Variants in KIF15 observed in about 807,000 individuals in gnomAD.
The protein encoded by KIF15 is kinesin-like protein KIF15.
In KIF15, 140 loss-of-function variants were observed where a neutral mutation model predicts 190.6. The ratio of observed to expected loss-of-function variants is 0.73; its 90% CI spans 0.64 to 0.84. The LOEUF is 0.84. Among genes scored for constraint, KIF15 ranks in the 40% least tolerant of loss-of-function variants. The pLI, the probability that KIF15 is intolerant of heterozygous loss-of-function variation, is 0.00. For synonymous variants in KIF15, 528 were observed against 551.3 expected, an observed-to-expected ratio of 0.96 and a Z score of 0.59; for missense variants, 1,372 against 1,584.4, an observed-to-expected ratio of 0.87 and a Z score of 2.28.
At chr3:44,805,558 T>C (rs1453440850) in intron 15 of KIF15, among the ~76,000 whole-genome samples, 2 of 152,222 alleles carry the variant, frequency 1.3e-5, no homozygotes, top group Admixed American at 1.3e-4. Flanking sequence ...CCCTAAAATA[T>C]AAACAAATGT....
rs1707822220 is a variant in KIF15, at chr3:44,812,342, C to G, written c.2277+53C>G. 4 of 1,275,368 alleles carry G rather than the reference C, an allele frequency of 3.1e-6. No individual in the cohort carries two copies. The South Asian group carries it at 4.9e-5, about 16-fold the overall frequency. The allele number at this position is 1,275,368 out of a possible 1,614,324, so 79.0% of individuals were successfully genotyped here. ...ATGTATGAAGTACCCTCAAATGTTA[C>G]CTTGAGGAAACATCCTCAAGGATCC... On this transcript the variant is annotated intron_variant, in intron 18 of 34. Transcript: ENST00000326047.
intron 1 of KIF15, among the ~76,000 whole-genome samples, chr3:44,770,267 G>C (rs1705585167): frequency 6.6e-6 from 1 of 152,118 alleles, no homozygotes; most frequent in Non-Finnish European, 1.5e-5. Flanking sequence ...CTTATACTTG[G>C]CTTGATTCTT....
intron 28 of KIF15, 84 bp downstream of exon 28, chr3:44,840,540 T>C (rs1336320353): frequency 9.3e-6 from 8 of 859,390 alleles, no homozygotes; most frequent in Non-Finnish European, 1.5e-5. Context: ...GAACATACCT[T>C]TGTCTTTTTA....
intron 20 of KIF15, among the ~76,000 whole-genome samples, chr3:44,825,208 G>A (rs943879220): frequency 6.6e-6 from 1 of 152,138 alleles, no homozygotes; most frequent in Non-Finnish European, 1.5e-5. Context: ...ACTGCCATGT[G>A]TTTCTTGAAT....
At chr3:44,780,501 TG>T (rs1559528028) in intron 4 of KIF15, among the ~76,000 whole-genome samples, 1 of 152,164 alleles carries the variant, frequency 6.6e-6, no homozygotes, top group African/African-American at 2.4e-5. Flanking sequence ...CCCAAAACCA[TG>T]GAATACTGTG....
At chr3:44,769,586 T>C (rs921676843) in intron 1 of KIF15, among the ~76,000 whole-genome samples, 8 of 152,218 alleles carry the variant, frequency 5.3e-5, no homozygotes, top group Non-Finnish European at 5.9e-5. Flanking sequence ...AACAGGAGGC[T>C]TGGCTTAATC....
chr3:44,844,788 G>A (rs952070831), intron 30 of KIF15, among the ~76,000 whole-genome samples: 1 of 152,184 alleles, frequency 6.6e-6, no homozygotes, highest in Non-Finnish European at 1.5e-5. Context: ...AGCAATGAGA[G>A]ACCCAAACAC....
intron 26 of KIF15, among the ~76,000 whole-genome samples, chr3:44,831,668 G>GT (rs1285640778): frequency 6.6e-6 from 1 of 152,142 alleles, no homozygotes; most frequent in Admixed American, 6.5e-5. Context: ...GCTAAAGGAA[G>GT]TTTTTTTGTT....
At chr3:44,836,625 G>A (rs938136058) in intron 26 of KIF15, among the ~76,000 whole-genome samples, 3 of 152,112 alleles carry the variant, frequency 2.0e-5, no homozygotes, top group Admixed American at 6.5e-5. Context: ...GCTCCCCAAA[G>A]AAGGAATATA....
At chr3:44,797,504 A>G in intron 8 of KIF15, 47 bp from the exon 9 acceptor site, 1 of 1,596,114 alleles carries the variant, frequency 6.3e-7, no homozygotes, top group Non-Finnish European at 8.5e-7. Flanking sequence ...AATACCAAAG[A>G]GTAACCAACG....
intron 10 of KIF15, among the ~76,000 whole-genome samples, chr3:44,798,909 C>T (rs1196000376): frequency 6.6e-6 from 1 of 152,186 alleles, no homozygotes; most frequent in Non-Finnish European, 1.5e-5. Context: ...ATGCCAATTG[C>T]AAGCCCCAGC....
chr3:44,827,792 C>T (rs1028454253), intron 23 of KIF15, among the ~76,000 whole-genome samples: 3 of 152,096 alleles, frequency 2.0e-5, no homozygotes, highest in African/African-American at 7.2e-5. Flanking sequence ...AGGTGATTTT[C>T]CCACCTCAGC....
chr3:44,782,982 C>CT (rs1439177094), intron 5 of KIF15, among the ~76,000 whole-genome samples: 1 of 151,982 alleles, frequency 6.6e-6, no homozygotes, highest in Non-Finnish European at 1.5e-5. Flanking sequence ...TGGAAGTGTT[C>CT]TTTTTTAAAA....
chr3:44,784,283 T>C (rs899668728), intron 5 of KIF15, among the ~76,000 whole-genome samples: 8 of 152,082 alleles, frequency 5.3e-5, no homozygotes, highest in African/African-American at 1.9e-4. Flanking sequence ...GCCATTCTCC[T>C]GCCTCAGCCT....
At chr3:44,779,222 C>T (rs1423475749) in intron 4 of KIF15, among the ~76,000 whole-genome samples, 1 of 152,112 alleles carries the variant, frequency 6.6e-6, no homozygotes, top group Non-Finnish European at 1.5e-5. Context: ...CCCCTTCTTA[C>T]TTTATGATGC....
chr3:44,804,553 T>A (rs576803810), intron 14 of KIF15, among the ~76,000 whole-genome samples: 1 of 152,350 alleles, frequency 6.6e-6, no homozygotes, highest in South Asian at 2.1e-4. Flanking sequence ...TGCCACACTT[T>A]CGTCATTGTT....
intron 26 of KIF15, among the ~76,000 whole-genome samples, chr3:44,833,700 T>C (rs1210183432): frequency 6.1e-5 from 9 of 148,546 alleles, no homozygotes; most frequent in Non-Finnish European, 1.4e-4. Context: ...CACAGACTGA[T>C]AGCAGTCTGT....
At chr3:44,825,614 G>C (rs1218766305) in intron 20 of KIF15, among the ~76,000 whole-genome samples, 1 of 152,184 alleles carries the variant, frequency 6.6e-6, no homozygotes, top group Non-Finnish European at 1.5e-5. Flanking sequence ...AATGTTCCTA[G>C]AGCTGAGAGG....
intron 20 of KIF15, among the ~76,000 whole-genome samples, chr3:44,821,927 G>C (rs1047588918): frequency 8.5e-5 from 13 of 152,234 alleles, no homozygotes; most frequent in African/African-American, 2.9e-4. Context: ...CTGGAGACCA[G>C]CCCGGCCAAC....
Sources: gnomAD v4.1 joint callset for allele counts (sites outside exome capture counted in the v4.1 genomes callset) on GRCh38, gnomAD v4.1.1 for gene constraint, MANE v1.5 for transcripts, NCBI Gene and HGNC (gene_info 2026-07-23, HGNC 2026-07-21) for gene names.